TMEM87B: variants seen among roughly 807,000 people sequenced by gnomAD.
TMEM87B encodes the protein transmembrane protein 87B.
TMEM87B carries 83 observed loss-of-function variants against 80.3 expected under a neutral mutation model. The ratio of observed to expected loss-of-function variants is 1.03; its 90% CI spans 0.87 to 1.24. TMEM87B has a LOEUF of 1.24. Ranked by LOEUF, TMEM87B falls within the 50% of genes most tolerant of loss-of-function variation. The probability of loss-of-function intolerance (pLI) is 0.00; values close to 1 mark genes in which losing one functional copy is unlikely to be tolerated. For missense variants in TMEM87B, 625 were observed against 674.4 expected (o/e 0.93, Z 0.81); for synonymous variants, 219 against 230.5 (o/e 0.95, Z 0.45).
In TMEM87B at chr2:112,055,574, T is replaced by A. The variant is rs1178262760; in HGVS notation, c.-18T>A. 1 of 1,493,282 alleles carries A rather than the reference T, an allele frequency of 6.7e-7. No individual in the cohort carries two copies. The highest frequency in any genetic ancestry group is 1.3e-5 in the South Asian group (1 of 77,634). The allele number at this position is 1,493,282 out of a possible 1,614,324, so 92.5% of individuals were successfully genotyped here. On this transcript the variant is annotated 5_prime_UTR_variant, in exon 1 of 19. Coordinates refer to ENST00000283206, the MANE Select transcript of TMEM87B (RefSeq NM_032824.3). ...GTGGCAGGCGTCTCGGAGCGCCAGGTGCAGCTTCCTGGTCAAGATGGTCGC... is the reference window on the plus strand; with the variant it reads ...GTGGCAGGCGTCTCGGAGCGCCAGGAGCAGCTTCCTGGTCAAGATGGTCGC...
intron 8 of TMEM87B, among the ~76,000 whole-genome samples, chr2:112,085,464 CCTT>C (rs905724273): frequency 4.0e-5 from 6 of 151,372 alleles, no homozygotes; most frequent in African/African-American, 1.5e-4. Flanking sequence ...ATTAGACTGG[CCTT>C]CTTCCAAGTC....
chr2:112,071,312 C>T (rs575027662), intron 4 of TMEM87B, among the ~76,000 whole-genome samples: 1 of 143,116 alleles, frequency 7.0e-6, no homozygotes, highest in Non-Finnish European at 1.5e-5. Context: ...CCCCGCCCCC[C>T]CGCCGCCGCC....
At chr2:112,058,135 A>C (rs749280489) in intron 1 of TMEM87B, among the ~76,000 whole-genome samples, 1 of 152,190 alleles carries the variant, frequency 6.6e-6, no homozygotes, top group Non-Finnish European at 1.5e-5. Context: ...CCTCAGTCTT[A>C]AAAGATGGAT....
At chr2:112,101,189 A>C (rs1679620702) in intron 15 of TMEM87B, among the ~76,000 whole-genome samples, 1 of 152,198 alleles carries the variant, frequency 6.6e-6, no homozygotes, top group African/African-American at 2.4e-5. Context: ...AGGCAACATC[A>C]ATAAGTAACT....
At chr2:112,075,107 G>A (rs6542026) in intron 5 of TMEM87B, 145 bp downstream of exon 5, 1,319,022 of 1,324,830 alleles carry the variant, frequency 1, 656,626 homozygotes, top group East Asian at 1. Flanking sequence ...ATTTAAAACC[G>A]TATGTTTTCA....
intron 3 of TMEM87B, among the ~76,000 whole-genome samples, chr2:112,066,301 A>C (rs1206429312): frequency 6.6e-6 from 1 of 152,212 alleles, no homozygotes; most frequent in African/African-American, 2.4e-5. Flanking sequence ...TCTGTCAGTC[A>C]TCAGGTCGGA....
Position 112,055,675 on chromosome 2 carries a change from C to A in TMEM87B, c.84C>A (p.Val28=), listed in dbSNP as rs757152832. 2.5e-6 allele frequency: 4 copies of A among 1,585,784 alleles called. No homozygotes were observed. Among genetic ancestry groups the A allele is most frequent in the Non-Finnish European group, 3.4e-6 (4 of 1,169,048 alleles). ...CFPARAPLLR[V]ALCLLCWTPA... ...CCGCCCGGGCCCCGCTGCTGCGCGT[C>A]GCCCTCTGCCTCCTGTGCTGGACCC... is the stretch of plus-strand genomic sequence containing the variant. Residue 28 remains valine, a synonymous_variant, in exon 1 of 19, where the codon GTC becomes GTA. Transcript: ENST00000283206.
intron 2 of TMEM87B, among the ~76,000 whole-genome samples, chr2:112,062,520 A>G (rs1048818154): frequency 6.6e-6 from 1 of 152,266 alleles, no homozygotes; most frequent in Non-Finnish European, 1.5e-5. Flanking sequence ...TGTAGCAAAC[A>G]TCATACTGTC....
chr2:112,085,644 G>A lies in TMEM87B; in HGVS notation c.839-361G>A, dbSNP rs575914011. 5.3e-5 allele frequency among the ~76,000 whole-genome samples: 8 copies of A among 152,350 alleles called. No individual in the cohort carries two copies. The South Asian group carries it at 1.7e-3, about 32-fold the overall frequency. ...ATTTTAAATGAATACATGATGAGGA[G>A]ATCCTGGAGAAAAGAGAACTCTAGA... On this transcript the variant is annotated intron_variant, in intron 8 of 18. Coordinates refer to ENST00000283206, the MANE Select transcript of TMEM87B (RefSeq NM_032824.3).
At chr2:112,075,817 G>A (rs1573696018) in intron 5 of TMEM87B, among the ~76,000 whole-genome samples, 1 of 152,294 alleles carries the variant, frequency 6.6e-6, no homozygotes, top group East Asian at 1.9e-4. Context: ...CTCTGCAGTG[G>A]CCAGGACAAA....
Position 112,111,493 on chromosome 2 carries a change from C to T in TMEM87B, c.1578-1406C>T, listed in dbSNP as rs962396070. 2.6e-5 allele frequency among the ~76,000 whole-genome samples: 4 copies of T among 152,132 alleles called. No homozygotes were observed. In the South Asian group the frequency reaches 6.2e-4, roughly 24 times the overall value. Reference sequence around the variant, plus strand: ...ACTTCTTATTTGATGTCTTCATGAACCATTTATGTGAAATGAGTAGAGCTC... The same window carrying T: ...ACTTCTTATTTGATGTCTTCATGAATCATTTATGTGAAATGAGTAGAGCTC... On this transcript the variant is annotated intron_variant, in intron 17 of 18. Transcript: ENST00000283206.
chr2:112,055,994 C>T (rs1678044178), intron 1 of TMEM87B, among the ~76,000 whole-genome samples: 1 of 152,208 alleles, frequency 6.6e-6, no homozygotes, highest in Non-Finnish European at 1.5e-5. Flanking sequence ...GCCCTCGGGT[C>T]CGAGCGCTCG....
At chr2:112,079,093 C>T (rs748033990) in intron 6 of TMEM87B, among the ~76,000 whole-genome samples, 1 of 152,174 alleles carries the variant, frequency 6.6e-6, no homozygotes, top group African/African-American at 2.4e-5. Flanking sequence ...ATACTCATCA[C>T]CCCAAATGCT....
chr2:112,090,431 G>T (rs1679266523), intron 10 of TMEM87B, among the ~76,000 whole-genome samples: 2 of 151,024 alleles, frequency 1.3e-5, no homozygotes. Context: ...TGGTTTTGGA[G>T]ACAGGGTCTT....
At chr2:112,116,025 G>T (rs1573734764) in intron 18 of TMEM87B, 59 bp from the exon 19 acceptor site, 1 of 1,424,716 alleles carries the variant, frequency 7.0e-7, no homozygotes, top group Non-Finnish European at 9.7e-7. Flanking sequence ...GAAAATTTTT[G>T]TTAGGGTTCT....
intron 8 of TMEM87B, 57 bp from the exon 9 acceptor site, chr2:112,085,948 G>A (rs554164045): frequency 7.0e-7 from 1 of 1,428,088 alleles, no homozygotes; most frequent in Non-Finnish European, 9.7e-7. Context: ...TGAGAATCTT[G>A]GTTGGCAGGC....
intron 10 of TMEM87B, among the ~76,000 whole-genome samples, chr2:112,091,445 G>A (rs1423260275): frequency 6.6e-6 from 1 of 152,162 alleles, no homozygotes; most frequent in Non-Finnish European, 1.5e-5. Flanking sequence ...AATGGCTGGT[G>A]TTAGTGAGGT....
rs1573735222 is a variant in TMEM87B at position 112,116,323 on chromosome 2, G to A, written c.*180G>A. 3.7e-6 allele frequency: 2 copies of A among 546,162 alleles called. No homozygotes were observed. The highest frequency in any genetic ancestry group is 6.0e-5 in the East Asian group (2 of 33,570). The allele number at this position is 546,162 out of a possible 1,614,324, so 33.8% of individuals were successfully genotyped here. Reference sequence around the variant, plus strand: ...TAGTCCTTTTAAAGCTGACTCTTGAGTGTCAGTTGAATATCCATTAAATTG... The same window carrying A: ...TAGTCCTTTTAAAGCTGACTCTTGAATGTCAGTTGAATATCCATTAAATTG... On this transcript the variant is annotated 3_prime_UTR_variant, in exon 19 of 19. Transcript: ENST00000283206.
intron 18 of TMEM87B, 24 bp from the exon 19 acceptor site, chr2:112,116,060 C>A (rs1358435823): frequency 6.2e-7 from 1 of 1,603,274 alleles, no homozygotes; most frequent in South Asian, 1.1e-5. Context: ...CATGTTGATA[C>A]ATATCTTCTT....
Sources: allele counts gnomAD v4.1 joint callset (sites outside exome capture counted in the v4.1 genomes callset), GRCh38; gene constraint gnomAD v4.1.1; transcripts MANE v1.5; gene names NCBI Gene and HGNC (gene_info 2026-07-23, HGNC 2026-07-21).